REEP1: variants seen among roughly 807,000 people sequenced by gnomAD.
REEP1 encodes the protein receptor expression-enhancing protein 1.
REEP1 carries 22 observed loss-of-function variants against 40.3 expected under a neutral mutation model. The ratio of observed to expected loss-of-function variants is 0.55; its 90% CI spans 0.39 to 0.78. The LOEUF (loss-of-function observed/expected upper bound fraction) is 0.78. Ranked by LOEUF, REEP1 falls within the 30% of genes least tolerant of loss-of-function variation. REEP1 has a pLI of 0.00. For synonymous variants in REEP1, 116 were observed against 139.2 expected (o/e 0.83, Z 1.17); for missense variants, 280 against 361.1 (o/e 0.78, Z 1.82).
rs1227789290 is a variant in REEP1 at position 86,215,171 on chromosome 2, A to AGAT, written c.*1865_*1867dup. 1.3e-5 allele frequency: 2 copies of AGAT among 152,164 alleles called. No individual in the cohort carries two copies. The highest frequency in any genetic ancestry group is 4.8e-5 in the African/African-American group (2 of 41,430). The allele number at this position is 152,164 out of a possible 1,614,324, so 9.4% of individuals were successfully genotyped here. On this transcript the variant is annotated 3_prime_UTR_variant, in exon 9 of 9. Coordinates refer to ENST00000538924, the MANE Select transcript of REEP1 (RefSeq NM_001371279.1). ...GAAAACATTTTCTGTCTTCCTTAAC[A>AGAT]GATTTAGGTATTGGTGGGTGTGGGG...
chr2:86,225,013 A>C (rs916967681), intron 7 of REEP1, among the ~76,000 whole-genome samples: 92 of 152,372 alleles, frequency 6.0e-4, no homozygotes, highest in East Asian at 1.9e-3. Flanking sequence ...TACAGTGTGA[A>C]TAGACAGAAA....
Position 86,282,184 on chromosome 2 carries a change from C to T in REEP1, c.91G>A (p.Asp31Asn). 1 of 1,610,028 alleles carries T rather than the reference C, an allele frequency of 6.2e-7. No individual in the cohort carries two copies. Among genetic ancestry groups the T allele is most frequent in the Non-Finnish European group, 8.5e-7 (1 of 1,176,384 alleles). The change falls in exon 2 of 9, where the codon GAC (aspartate) becomes AAC (asparagine). Residue 31 changes from aspartate to asparagine, a missense_variant. By Grantham distance (23) the Asp-to-Asn change is conservative (BLOSUM62 1). Transcript: ENST00000538924. ...YYSYKAVKSKDIKEYVKWMMY... is the reference protein window; with the variant it reads ...YYSYKAVKSKNIKEYVKWMMY... ...GTGCTACTTACATATTCCTTAATGT[C>T]CTTTGATTTCACAGCCTTGTAGGAA...
chr2:86,317,052 C>A (rs545110200), intron 1 of REEP1, among the ~76,000 whole-genome samples: 2 of 152,256 alleles, frequency 1.3e-5, no homozygotes, highest in Admixed American at 6.5e-5. Context: ...TGACAGGAGG[C>A]GGTCGAGGGT....
upstream of REEP1, chr2:86,337,761 C>T: frequency 1.3e-6 from 1 of 797,720 alleles, no homozygotes; most frequent in Non-Finnish European, 1.6e-6. This position sits in a 1 kb window ranked among gnomAD's most constrained non-coding sequence, Gnocchi z 5.8. Flanking sequence ...GTCAGGGCAC[C>T]CGCGGGCCCG....
chr2:86,293,595 G>T (rs1024035368), intron 1 of REEP1, among the ~76,000 whole-genome samples: 2 of 152,164 alleles, frequency 1.3e-5, no homozygotes, highest in East Asian at 3.8e-4. Context: ...AAATTATTAG[G>T]AATTTATACA....
At chr2:86,276,603 G>A (rs1162061161) in intron 2 of REEP1, among the ~76,000 whole-genome samples, 1 of 152,228 alleles carries the variant, frequency 6.6e-6, no homozygotes, top group Non-Finnish European at 1.5e-5. Context: ...ACCAAGGTGG[G>A]AGTCAGCATT....
intron 6 of REEP1, among the ~76,000 whole-genome samples, chr2:86,230,069 G>A (rs1409379840): frequency 6.6e-6 from 1 of 152,204 alleles, no homozygotes; most frequent in East Asian, 1.9e-4. Context: ...AGGAGGGCTG[G>A]GGCATAATGC....
At chr2:86,283,025 T>C (rs534705586) in intron 1 of REEP1, among the ~76,000 whole-genome samples, 64 of 152,142 alleles carry the variant, frequency 4.2e-4, no homozygotes, top group Non-Finnish European at 1.8e-4. Context: ...CTTTATCTGG[T>C]TAATGCCTGT....
chr2:86,282,140 A>G (rs779447687), intron 2 of REEP1, 30 bp downstream of exon 2: 3 of 1,515,236 alleles, frequency 2.0e-6, no homozygotes, highest in East Asian at 2.3e-5. Flanking sequence ...ACTCCAGCCA[A>G]CCCGCTCGAA....
At chr2:86,271,092 T>G (rs1383415880) in intron 2 of REEP1, among the ~76,000 whole-genome samples, 1 of 152,018 alleles carries the variant, frequency 6.6e-6, no homozygotes, top group Non-Finnish European at 1.5e-5. Context: ...CTTGGGAGGC[T>G]GAGGCACAAG....
intron 3 of REEP1, among the ~76,000 whole-genome samples, chr2:86,257,190 A>G (rs1240360162): frequency 6.6e-6 from 1 of 152,242 alleles, no homozygotes; most frequent in Non-Finnish European, 1.5e-5. Flanking sequence ...TTTGAAAACA[A>G]GTATTCACCA....
intron 6 of REEP1, among the ~76,000 whole-genome samples, 179 bp downstream of exon 6, chr2:86,232,446 C>T (rs943690058): frequency 6.6e-6 from 1 of 152,206 alleles, no homozygotes; most frequent in African/African-American, 2.4e-5. Flanking sequence ...GGCTGGTTTC[C>T]TGGCCGGGCC....
Position 86,266,415 on chromosome 2 carries a change from C to T in REEP1, c.106-2374G>A, listed in dbSNP as rs183097059. On this transcript the variant is annotated intron_variant, in intron 2 of 8. Transcript: ENST00000538924. ...CGGGTGGATCATGAGGTCAGGAGAT[C>T]GAGACCATCCTGGCTAACAAGGTGA... Among the ~76,000 whole-genome samples the T allele has an allele frequency of 4.5e-3, 683 of 150,770 alleles. 5 individuals are homozygous for T. Among genetic ancestry groups the T allele is most frequent in the African/African-American group, 0.015 (608 of 41,070 alleles).
intron 1 of REEP1, among the ~76,000 whole-genome samples, chr2:86,289,344 A>AT (rs1678573014): frequency 6.6e-6 from 1 of 152,180 alleles, no homozygotes; most frequent in African/African-American, 2.4e-5. Context: ...CATAGGTATT[A>AT]TTTTCAGCTC....
intron 5 of REEP1, among the ~76,000 whole-genome samples, chr2:86,245,954 C>T (rs368608006): frequency 0.01 from 1,570 of 152,046 alleles, 31 homozygotes; most frequent in African/African-American, 0.035. Context: ...TTAGTAGAGA[C>T]GGGGTTTCAC....
intron 5 of REEP1, among the ~76,000 whole-genome samples, chr2:86,250,472 C>T (rs1232821286): frequency 6.6e-6 from 1 of 152,170 alleles, no homozygotes; most frequent in Non-Finnish European, 1.5e-5. Context: ...ATGGTTGCAT[C>T]TCAAATAGAA....
At chr2:86,274,224 A>C (rs897784359) in intron 2 of REEP1, among the ~76,000 whole-genome samples, 2 of 152,226 alleles carry the variant, frequency 1.3e-5, no homozygotes, top group Non-Finnish European at 2.9e-5. Context: ...GGCCACTTGC[A>C]CCAACAAGAA....
chr2:86,286,238 T>C lies in REEP1; in HGVS notation c.33-3996A>G, dbSNP rs116393418. 9.9e-3 allele frequency among the ~76,000 whole-genome samples: 1,513 copies of C among 152,324 alleles called. 38 individuals carry two copies. Among genetic ancestry groups the C allele is most frequent in the African/African-American group, 0.034 (1,409 of 41,568 alleles). On this transcript the variant is annotated intron_variant, in intron 1 of 8. Coordinates refer to ENST00000538924, the MANE Select transcript of REEP1 (RefSeq NM_001371279.1). Reference sequence around the variant, plus strand: ...TGAGCCTCGTGTGAATACTACACTCTGATGCAGTGGTTCCCCACTGGGGTG... The same window carrying C: ...TGAGCCTCGTGTGAATACTACACTCCGATGCAGTGGTTCCCCACTGGGGTG...
At chr2:86,217,243 C>T in intron 8 of REEP1, 133 bp from the exon 9 acceptor site, 2 of 743,942 alleles carry the variant, frequency 2.7e-6, no homozygotes, top group Non-Finnish European at 4.9e-6. Flanking sequence ...GCTGGGGTCT[C>T]CCTGAATCTC....
Sources: allele counts gnomAD v4.1 joint callset (sites outside exome capture counted in the v4.1 genomes callset), GRCh38; gene constraint gnomAD v4.1.1; non-coding constraint Gnocchi (gnomAD v3.1); transcripts MANE v1.5; gene names NCBI Gene and HGNC (gene_info 2026-07-23, HGNC 2026-07-21).